The following TNFRSF8 variants were observed in gnomAD, a reference collection of about 807,000 sequenced individuals.
TNFRSF8 encodes the protein tumor necrosis factor receptor superfamily member 8.
Under a neutral mutation model 70.8 loss-of-function variants are expected in TNFRSF8, and 26 were observed. The observed-to-expected ratio is 0.37, with a 90% CI of 0.27 to 0.51. TNFRSF8 has a LOEUF of 0.51. Ranked by LOEUF, TNFRSF8 falls within the 20% of genes least tolerant of loss-of-function variation. The probability of loss-of-function intolerance (pLI) is 0.94; values close to 1 mark genes in which losing one functional copy is unlikely to be tolerated. For synonymous variants in TNFRSF8, 356 were observed against 339.2 expected, an observed-to-expected ratio of 1.05 and a Z score of -0.54; for missense variants, 720 against 807.9, an observed-to-expected ratio of 0.89 and a Z score of 1.32.
intron 1 of TNFRSF8, among the ~76,000 whole-genome samples, chr1:12,081,654 A>G (rs1010957305): frequency 1.0e-4 from 14 of 134,192 alleles, no homozygotes; most frequent in Admixed American, 3.8e-4. Context: ...TGTTTCAGAC[A>G]TGCAAAAAAA....
intron 3 of TNFRSF8, among the ~76,000 whole-genome samples, chr1:12,102,179 G>A (rs1641435357): frequency 6.6e-6 from 1 of 152,104 alleles, no homozygotes; most frequent in African/African-American, 2.4e-5. Context: ...TTCTAGTTCT[G>A]TGCACATCAT....
chr1:12,125,437 G>A (rs1641920650), intron 10 of TNFRSF8, among the ~76,000 whole-genome samples: 1 of 152,196 alleles, frequency 6.6e-6, no homozygotes, highest in Non-Finnish European at 1.5e-5. Context: ...ACGGTGCCTA[G>A]GGCATAGGGT....
chr1:12,109,709 G>A lies in TNFRSF8; in HGVS notation c.512+53G>A. 2 of 1,496,306 alleles carry A rather than the reference G, an allele frequency of 1.3e-6. No homozygotes were observed. Among genetic ancestry groups the A allele is most frequent in the Non-Finnish European group, 1.9e-6 (2 of 1,076,684 alleles). The allele number at this position is 1,496,306 out of a possible 1,614,324, so 92.7% of individuals were successfully genotyped here. On this transcript the variant is annotated intron_variant, in intron 5 of 14. Coordinates refer to ENST00000263932, the MANE Select transcript of TNFRSF8 (RefSeq NM_001243.5). This position sits in a 1 kb window ranked among gnomAD's most constrained non-coding sequence, Gnocchi z 4.4. ...TTCCCCCAAGCTGGCTTTCAGATGA[G>A]GCTGCCCCACCCCACAGGACGCCCA...
Position 12,142,164 on chromosome 1 carries a change from G to A in TNFRSF8, c.1544-123G>A, listed in dbSNP as rs930162662. The A allele has an allele frequency of 4.6e-6, 6 of 1,306,828 alleles. No individual in the cohort carries two copies. Among genetic ancestry groups the A allele is most frequent in the Non-Finnish European group, 5.2e-6 (5 of 968,308 alleles). The allele number at this position is 1,306,828 out of a possible 1,614,324, so 81.0% of individuals were successfully genotyped here. A position where few individuals can be genotyped will look rare whatever the true frequency, so the allele number is the denominator to read the frequency against. On this transcript the variant is annotated intron_variant, in intron 14 of 14. Transcript: ENST00000263932. This position sits in a 1 kb window ranked among gnomAD's most constrained non-coding sequence, Gnocchi z 5.0. Reference sequence around the variant, plus strand: ...CTGTAAGGTACATCAGAGAGGCTGTGCCATCAGCCTGAAGCCACCCGGCAG... The same window carrying A: ...CTGTAAGGTACATCAGAGAGGCTGTACCATCAGCCTGAAGCCACCCGGCAG...
chr1:12,096,996 G>A (rs911571061), intron 2 of TNFRSF8, 105 bp from the exon 3 acceptor site: 7 of 795,122 alleles, frequency 8.8e-6, no homozygotes, highest in Non-Finnish European at 1.5e-5. Context: ...TCGGGGGTTG[G>A]AGGTGGAGCT....
chr1:12,087,244 T>G (rs986287443), intron 2 of TNFRSF8, among the ~76,000 whole-genome samples: 1 of 148,964 alleles, frequency 6.7e-6, no homozygotes, highest in African/African-American at 2.5e-5. Context: ...CTTGGCTCAC[T>G]GGAACCTCCG....
At chr1:12,083,577 C>T (rs927324818) in intron 1 of TNFRSF8, among the ~76,000 whole-genome samples, 1 of 152,146 alleles carries the variant, frequency 6.6e-6, no homozygotes, top group African/African-American at 2.4e-5. Flanking sequence ...GTCTCAGTTA[C>T]TTGGCAGGCT....
In TNFRSF8 at chr1:12,085,345, G is replaced by A. The variant is rs11569830; in HGVS notation, c.151+794G>A. On this transcript the variant is annotated intron_variant, in intron 2 of 14. Transcript: ENST00000263932. ...GGCTGGTCTCAAACTCCTGACCTCA[G>A]GTGATCCACCCGCCTCAGCCTCCCA... Among the ~76,000 whole-genome samples, 469 of 152,202 alleles carry A rather than the reference G, an allele frequency of 3.1e-3. 3 individuals carry two copies. The highest frequency in any genetic ancestry group is 0.011 in the African/African-American group (456 of 41,534).
chr1:12,130,153 C>T (rs1287648187), intron 12 of TNFRSF8, among the ~76,000 whole-genome samples: 1 of 152,214 alleles, frequency 6.6e-6, no homozygotes, highest in Non-Finnish European at 1.5e-5. Flanking sequence ...AGTGGTCCTC[C>T]CGCCTCGGCC....
intron 1 of TNFRSF8, among the ~76,000 whole-genome samples, chr1:12,073,284 C>G (rs544725500): frequency 2.0e-5 from 3 of 152,096 alleles, no homozygotes; most frequent in Non-Finnish European, 4.4e-5. Context: ...AACAGACAAA[C>G]AAAAAGTAAA....
intron 8 of TNFRSF8, among the ~76,000 whole-genome samples, chr1:12,116,603 C>A (rs1641734555): frequency 6.6e-6 from 1 of 151,948 alleles, no homozygotes. Flanking sequence ...GAGTTCAAGA[C>A]CAGCCTGACC....
chr1:12,066,308 T>A (rs1318008), intron 1 of TNFRSF8, among the ~76,000 whole-genome samples: 36,467 of 149,516 alleles, frequency 0.24, 4,984 homozygotes, highest in Admixed American at 0.43. Context: ...CTCGTTATTT[T>A]AAAAAAAAAA....
At chr1:12,101,702 A>G (rs749388450) in intron 3 of TNFRSF8, among the ~76,000 whole-genome samples, 1 of 151,930 alleles carries the variant, frequency 6.6e-6, no homozygotes, top group Non-Finnish European at 1.5e-5. Flanking sequence ...TTTGTTTGAG[A>G]TGGAGTCCTG....
At chr1:12,132,733 G>C (rs1642070640) in intron 12 of TNFRSF8, among the ~76,000 whole-genome samples, 1 of 151,150 alleles carries the variant, frequency 6.6e-6, no homozygotes, top group Non-Finnish European at 1.5e-5. Flanking sequence ...AGCTACTTGG[G>C]AGGCTGAGGC....
chr1:12,120,823 G>C (rs1557598646), intron 8 of TNFRSF8, among the ~76,000 whole-genome samples: 1 of 152,176 alleles, frequency 6.6e-6, no homozygotes, highest in Non-Finnish European at 1.5e-5. Flanking sequence ...CACTGACTCA[G>C]GGAGGAAGAA....
rs1243117620 is a variant in TNFRSF8 at position 12,113,689 on chromosome 1, AAG to A, written c.793+1681_793+1682del. ...AGAGAGAGAGAGACAGAAAGACAGAAAGAGAGACTGAGAGACAGAGAGAGACA... is the reference window on the plus strand; with the variant it reads ...AGAGAGAGAGAGACAGAAAGACAGAAAGAGACTGAGAGACAGAGAGAGACA... On this transcript the variant is annotated intron_variant, in intron 7 of 14. Transcript: ENST00000263932. The surrounding 1 kb of genome is among the most constrained non-coding windows in gnomAD (Gnocchi z 4.9). 3.2e-5 allele frequency among the ~76,000 whole-genome samples: 3 copies of A among 93,548 alleles called. No individual in the cohort carries two copies. The highest frequency in any genetic ancestry group is 1.1e-4 in the African/African-American group (2 of 19,008). The allele number at this position is 93,548 out of a possible 152,430, so 61.4% of individuals were successfully genotyped here.
At chr1:12,093,393 T>A (rs188362959) in intron 2 of TNFRSF8, among the ~76,000 whole-genome samples, 9 of 152,198 alleles carry the variant, frequency 5.9e-5, no homozygotes, top group Non-Finnish European at 1.2e-4. Context: ...ACTGGGAAGA[T>A]GGAGACACAG....
chr1:12,127,073 C>T (rs6668157), intron 12 of TNFRSF8, among the ~76,000 whole-genome samples: 27,205 of 152,168 alleles, frequency 0.18, 3,701 homozygotes, highest in African/African-American at 0.39. Flanking sequence ...CAGGCAGGGT[C>T]GTCTATACAG....
intron 1 of TNFRSF8, among the ~76,000 whole-genome samples, chr1:12,072,315 C>T (rs770728529): frequency 1.6e-4 from 24 of 152,156 alleles, no homozygotes; most frequent in Non-Finnish European, 2.6e-4. Context: ...AGTTCCAGTC[C>T]TTGCCCTCGA....
Sources: allele counts gnomAD v4.1 joint callset (sites outside exome capture counted in the v4.1 genomes callset), GRCh38; gene constraint gnomAD v4.1.1; non-coding constraint Gnocchi (gnomAD v3.1); transcripts MANE v1.5; gene names NCBI Gene and HGNC (gene_info 2026-07-23, HGNC 2026-07-21).